The following PEX5L variants were observed in gnomAD, a reference collection of about 807,000 sequenced individuals.
PEX5L encodes PEX5-related protein.
In PEX5L, 30 loss-of-function variants were observed where a neutral mutation model predicts 84.0. That is an observed-to-expected ratio of 0.36 (90% confidence interval 0.27 to 0.48). The LOEUF (loss-of-function observed/expected upper bound fraction) is 0.48, where lower values mean the gene tolerates loss of function less well. PEX5L is among the 20% of genes least tolerant of loss of function. The probability of loss-of-function intolerance (pLI) is 0.99; values close to 1 mark genes in which losing one functional copy is unlikely to be tolerated. For synonymous variants in PEX5L, 270 were observed against 283.1 expected (o/e 0.95, Z 0.46); for missense variants, 533 against 754.6 (o/e 0.71, Z 3.44).
chr3:179,921,412 G>A (rs1457333957), intron 2 of PEX5L: 5 of 152,150 alleles, frequency 3.3e-5, no homozygotes, highest in Non-Finnish European at 7.4e-5. Context: ...ATCAGTCTGT[G>A]CAAGTAGTTC....
At chr3:179,955,483 T>C (rs35241768) in intron 2 of PEX5L, among the ~76,000 whole-genome samples, 82,879 of 137,742 alleles carry the variant, frequency 0.6, 25,638 homozygotes, top group East Asian at 0.87. Context: ...ATGCTCTTTT[T>C]TTTTTTTTTT....
chr3:180,024,691 A>T (rs59205301), intron 1 of PEX5L, among the ~76,000 whole-genome samples: 27,570 of 149,670 alleles, frequency 0.18, 2,653 homozygotes, highest in African/African-American at 0.26. Context: ...TGTGTGTGTG[A>T]GAGAGAGAGA....
intron 1 of PEX5L, 59 bp downstream of exon 1, chr3:180,036,520 C>A: frequency 6.5e-7 from 1 of 1,534,646 alleles, no homozygotes; most frequent in Admixed American, 1.7e-5. Flanking sequence ...ACTTGGTGAA[C>A]CGCCTTGCTC....
At chr3:179,869,561 G>A (rs1231179615) in intron 7 of PEX5L, among the ~76,000 whole-genome samples, 1 of 152,180 alleles carries the variant, frequency 6.6e-6, no homozygotes, top group Admixed American at 6.5e-5. Context: ...GACGTGCCGG[G>A]TACTTTGAAC....
chr3:179,833,946 C>CAAA (rs1472931475), intron 8 of PEX5L, among the ~76,000 whole-genome samples: 1 of 152,160 alleles, frequency 6.6e-6, no homozygotes, highest in Non-Finnish European at 1.5e-5. Flanking sequence ...GCGATCCTTC[C>CAAA]ACTTCAGCCT....
At chr3:179,961,201 ATGTG>A (rs72242969) in intron 2 of PEX5L, among the ~76,000 whole-genome samples, 19,164 of 65,228 alleles carry the variant, frequency 0.29, 1,628 homozygotes, top group Non-Finnish European at 0.51. Context: ...GTGTATGTGT[ATGTG>A]TGTGTGTGTG....
intron 1 of PEX5L, among the ~76,000 whole-genome samples, chr3:179,984,391 T>C (rs1786610048): frequency 6.6e-6 from 1 of 152,120 alleles, no homozygotes; most frequent in African/African-American, 2.4e-5. Flanking sequence ...AAATTGTGTA[T>C]GTGTGTATAC....
intron 2 of PEX5L, among the ~76,000 whole-genome samples, chr3:179,914,393 C>T (rs557448285): frequency 9.8e-5 from 15 of 152,346 alleles, no homozygotes; most frequent in African/African-American, 3.6e-4. Context: ...GTTTCCTTCA[C>T]TTGGAATTCC....
At chr3:179,808,730 TC>T (rs568327632) in intron 12 of PEX5L, among the ~76,000 whole-genome samples, 124 of 152,250 alleles carry the variant, frequency 8.1e-4, no homozygotes, top group African/African-American at 2.8e-3. Flanking sequence ...CAGCTAAGTT[TC>T]CCAAGGCCTC....
intron 2 of PEX5L, among the ~76,000 whole-genome samples, chr3:179,932,194 TA>T (rs1430004916): frequency 1.3e-5 from 2 of 152,082 alleles, no homozygotes; most frequent in Non-Finnish European, 2.9e-5. Context: ...CTCCAGGACA[TA>T]GGGAGCAGGG....
intron 3 of PEX5L, chr3:179,895,654 C>A (rs1341087079): frequency 6.6e-6 from 1 of 152,122 alleles, no homozygotes; most frequent in African/African-American, 2.4e-5. Flanking sequence ...GACAGCTCCA[C>A]TAGAGTATGT....
intron 1 of PEX5L, among the ~76,000 whole-genome samples, chr3:180,001,618 T>C (rs1296860775): frequency 1.3e-5 from 2 of 152,100 alleles, no homozygotes; most frequent in Admixed American, 6.6e-5. Context: ...TTTTTCATTG[T>C]GCTTTCAAGT....
chr3:179,978,292 C>T (rs1055683464), intron 1 of PEX5L, among the ~76,000 whole-genome samples: 2 of 151,878 alleles, frequency 1.3e-5, no homozygotes, highest in Non-Finnish European at 2.9e-5. Context: ...TTCTATTTTC[C>T]AAGATTTCAA....
chr3:179,827,436 C>T (rs937802028), intron 8 of PEX5L, among the ~76,000 whole-genome samples: 6 of 152,128 alleles, frequency 3.9e-5, no homozygotes, highest in Non-Finnish European at 5.9e-5. Flanking sequence ...GTGAGTGTGC[C>T]TTCAGATGAT....
chr3:180,018,134 C>A (rs1790097722), intron 1 of PEX5L, among the ~76,000 whole-genome samples: 1 of 152,162 alleles, frequency 6.6e-6, no homozygotes, highest in Non-Finnish European at 1.5e-5. Flanking sequence ...ATTAGAACAT[C>A]CTTTCCCACC....
rs924845346 is a variant in PEX5L, at chr3:180,036,887, G to C, written c.-288C>G. 4 of 523,808 alleles carry C rather than the reference G, an allele frequency of 7.6e-6. No individual in the cohort carries two copies. Among genetic ancestry groups the C allele is most frequent in the African/African-American group, 5.7e-5 (3 of 52,298 alleles). 32.4% of individuals were successfully genotyped at this position (523,808 alleles called of 1,614,324 possible). A position where few individuals can be genotyped will look rare whatever the true frequency, so the allele number is the denominator to read the frequency against. On this transcript the variant is annotated 5_prime_UTR_variant, in exon 1 of 15. Coordinates refer to ENST00000467460, the MANE Select transcript of PEX5L (RefSeq NM_016559.3). ...TCCTGCAGGCGCGGGTCCTGCTCGC[G>C]GGGCGTCTCTAGAACTCACTCCTTC...
chr3:179,929,756 C>T (rs1324821670), intron 2 of PEX5L, among the ~76,000 whole-genome samples: 1 of 152,182 alleles, frequency 6.6e-6, no homozygotes, highest in African/African-American at 2.4e-5. Flanking sequence ...CCTTCAACTC[C>T]CATGACATCT....
chr3:179,955,675 A>T (rs1780347721), intron 2 of PEX5L, among the ~76,000 whole-genome samples: 1 of 152,036 alleles, frequency 6.6e-6, no homozygotes, highest in South Asian at 2.1e-4. Flanking sequence ...AGAAAAATAG[A>T]ATCTATAGTG....
At position 179,816,482 on chromosome 3, in the gene PEX5L, T is replaced by C. The variant is rs112973135; in HGVS notation, c.940-478A>G. On this transcript the variant is annotated intron_variant, in intron 9 of 14. Transcript: ENST00000467460. ...AACCATCATTCTCAGCAAACTAACA[T>C]AGGAACAGAAAACCAAACACCGCAT... Among the ~76,000 whole-genome samples the C allele has an allele frequency of 1.4e-3, 206 of 151,782 alleles. 1 individual carries two copies. The highest frequency in any genetic ancestry group is 4.9e-3 in the African/African-American group (202 of 41,370).
Sources: gnomAD v4.1 joint callset for allele counts (sites outside exome capture counted in the v4.1 genomes callset) on GRCh38, gnomAD v4.1.1 for gene constraint, MANE v1.5 for transcripts, NCBI Gene and HGNC (gene_info 2026-07-23, HGNC 2026-07-21) for gene names.